Variants in CACFD1 observed in about 807,000 individuals in gnomAD.
CACFD1 encodes the protein calcium channel flower domain containing 1, also known as calcium channel flower homolog.
Under a neutral mutation model 21.3 loss-of-function variants are expected in CACFD1, and 26 were observed. The observed-to-expected ratio is 1.22, with a 90% CI of 0.89 to 1.69. CACFD1 has a LOEUF of 1.69. CACFD1 is among the 40% of genes most tolerant of loss of function. The pLI is 0.00. For synonymous variants in CACFD1, 121 were observed against 106.6 expected (o/e 1.13, Z -0.83); for missense variants, 265 against 236.2 (o/e 1.12, Z -0.80).
intron 1 of CACFD1, chr9:133,461,853 CAGG>C (rs1843230956): frequency 5.1e-6 from 5 of 985,022 alleles, no homozygotes; most frequent in Non-Finnish European, 4.8e-6. Context: ...AGAGATGCGG[CAGG>C]AGTTCAGACA....
intron 2 of CACFD1, among the ~76,000 whole-genome samples, chr9:133,464,434 G>A (rs1843348243): frequency 6.6e-6 from 1 of 152,172 alleles, no homozygotes; most frequent in East Asian, 1.9e-4. Flanking sequence ...CCAGCACAGA[G>A]TGAGCCCGTG....
rs782005229 is a variant in CACFD1, at chr9:133,468,045, C to T, written c.428+17C>T. The T allele has an allele frequency of 3.6e-5, 58 of 1,601,862 alleles. No individual in the cohort carries two copies. Among genetic ancestry groups the T allele is most frequent in the Non-Finnish European group, 4.7e-5 (55 of 1,169,694 alleles). On this transcript the variant is annotated intron_variant, in intron 4 of 4. Transcript: ENST00000316948. ...GGGCAAAAAGTGCGTCTGCCAGGCC[C>T]AGCCCCTGGGCAGGGCCTTCCTCCC...
rs1554797914 is a variant in CACFD1 at position 133,460,100 on chromosome 9, G to C, written c.34G>C (p.Ala12Pro). The C allele has an allele frequency of 1.3e-6, 2 of 1,562,676 alleles. No homozygotes were observed. Among genetic ancestry groups the C allele is most frequent in the East Asian group, 4.8e-5 (2 of 41,550 alleles). ...SSSGGAPGAS[A>P]SSAPPAQEEG... ...CTCAGGTGGGGCGCCCGGGGCGTCC[G>C]CCAGCTCTGCGCCGCCCGCGCAGGA... The change falls in exon 1 of 5, where the codon GCC becomes CCC. Residue 12 changes from alanine to proline, a missense_variant. Ala to Pro is a conservative substitution (Grantham distance 27). Coordinates refer to ENST00000316948, the MANE Select transcript of CACFD1 (RefSeq NM_017586.5).
intron 2 of CACFD1, among the ~76,000 whole-genome samples, chr9:133,464,260 G>T (rs1353749983): frequency 6.6e-6 from 1 of 152,246 alleles, no homozygotes; most frequent in East Asian, 1.9e-4. Context: ...CCCGTCCCCA[G>T]TGACCTATGG....
chr9:133,468,956 G>A lies in CACFD1; in HGVS notation c.*303G>A. 4.8e-6 allele frequency: 2 copies of A among 417,912 alleles called. No homozygotes were observed. Among genetic ancestry groups the A allele is most frequent in the East Asian group, 3.6e-5 (1 of 27,506 alleles). 25.9% of individuals were successfully genotyped at this position (417,912 alleles called of 1,614,324 possible). A position where few individuals can be genotyped will look rare whatever the true frequency, so the allele number is the denominator to read the frequency against. ...CCACAGACAGGGCTGCCTGTGACCT[G>A]CTGTGACCTGGGAGCAGCTTCCCCT... is the stretch of plus-strand genomic sequence containing the variant. On this transcript the variant is annotated 3_prime_UTR_variant, in exon 5 of 5. Transcript: ENST00000316948.
At chr9:133,461,228 T>G (rs1297036424) in intron 1 of CACFD1, among the ~76,000 whole-genome samples, 5 of 152,284 alleles carry the variant, frequency 3.3e-5, no homozygotes, top group Admixed American at 2.0e-4. Context: ...AGGGTCACCT[T>G]GGGTTCCACA....
intron 3 of CACFD1, among the ~76,000 whole-genome samples, chr9:133,466,997 A>G (rs1403278872): frequency 2.0e-5 from 3 of 152,124 alleles, no homozygotes; most frequent in Non-Finnish European, 4.4e-5. Context: ...TGTTTTTGTC[A>G]GAAGGTTCCC....
Position 133,470,071 on chromosome 9 carries a change from C to T in CACFD1, c.*1418C>T. ...GGGCTCCTGGGTCAGCAGCATCCCA[C>T]CCCTGGGAGTCTGGCCAGCTGAGCC... On this transcript the variant is annotated 3_prime_UTR_variant, in exon 5 of 5. Coordinates refer to ENST00000316948, the MANE Select transcript of CACFD1 (RefSeq NM_017586.5). 1 of 152,802 alleles carries T rather than the reference C, an allele frequency of 6.5e-6. No individual in the cohort carries two copies. The highest frequency in any genetic ancestry group is 1.5e-5 in the Non-Finnish European group (1 of 68,130). The allele number at this position is 152,802 out of a possible 1,614,324, so 9.5% of individuals were successfully genotyped here.
In CACFD1 at chr9:133,468,752, C is replaced by A. The variant is rs1843555248; in HGVS notation, c.*99C>A. On this transcript the variant is annotated 3_prime_UTR_variant, in exon 5 of 5. Coordinates refer to ENST00000316948, the MANE Select transcript of CACFD1 (RefSeq NM_017586.5). Reference sequence around the variant, plus strand: ...CGCTGAGGCACAGCCTGGAGAGGGGCCTTTGCACGTGTCCCTACACCTGGA... The same window carrying A: ...CGCTGAGGCACAGCCTGGAGAGGGGACTTTGCACGTGTCCCTACACCTGGA... 2.8e-6 allele frequency: 4 copies of A among 1,450,204 alleles called. No individual in the cohort carries two copies. The highest frequency in any genetic ancestry group is 2.5e-5 in the East Asian group (1 of 40,028). 89.8% of individuals were successfully genotyped at this position (1,450,204 alleles called of 1,614,324 possible). A position where few individuals can be genotyped will look rare whatever the true frequency, so the allele number is the denominator to read the frequency against.
In CACFD1 at chr9:133,469,018, G is replaced by A. The variant is rs1843564971; in HGVS notation, c.*365G>A. 1 of 315,300 alleles carries A rather than the reference G, an allele frequency of 3.2e-6. No individual in the cohort carries two copies. Among genetic ancestry groups the A allele is most frequent in the Non-Finnish European group, 5.8e-6 (1 of 171,906 alleles). The allele number at this position is 315,300 out of a possible 1,614,324, so 19.5% of individuals were successfully genotyped here. A position where few individuals can be genotyped will look rare whatever the true frequency, so the allele number is the denominator to read the frequency against. ...TCCTGGCTTGAGGGGAGGGGCAAGT[G>A]GGACCCTGCCACCTGGGCACTGAGC... On this transcript the variant is annotated 3_prime_UTR_variant, in exon 5 of 5. Coordinates refer to ENST00000316948, the MANE Select transcript of CACFD1 (RefSeq NM_017586.5).
At position 133,465,070 on chromosome 9, in the gene CACFD1, C is replaced by T. The variant is rs1843379445; in HGVS notation, c.195-252C>T. 6 of 484,026 alleles carry T rather than the reference C, an allele frequency of 1.2e-5. No homozygotes were observed. The highest frequency in any genetic ancestry group is 1.1e-4 in the South Asian group (4 of 38,080). 30.0% of individuals were successfully genotyped at this position (484,026 alleles called of 1,614,324 possible). A position where few individuals can be genotyped will look rare whatever the true frequency, so the allele number is the denominator to read the frequency against. ...AAGGGAAGCAGAAGCCCAGGGGCTT[C>T]CCTCTAGGAGTGTTCAGTTCAGCTG... On this transcript the variant is annotated intron_variant, in intron 2 of 4. Transcript: ENST00000316948. This position sits in a 1 kb window ranked among gnomAD's most constrained non-coding sequence, Gnocchi z 5.0.
rs587625639 is a variant in CACFD1 at position 133,469,875 on chromosome 9, T to C, written c.*1222T>C. ...CGCTGAGCTTCTGGAGCGCAGGTACTGGGTCTTGCTAAGTGAACTGTTTCC... is the reference window on the plus strand; with the variant it reads ...CGCTGAGCTTCTGGAGCGCAGGTACCGGGTCTTGCTAAGTGAACTGTTTCC... On this transcript the variant is annotated 3_prime_UTR_variant, in exon 5 of 5. Transcript: ENST00000316948. 1.3e-5 allele frequency: 2 copies of C among 152,404 alleles called. No individual in the cohort carries two copies. Among genetic ancestry groups the C allele is most frequent in the East Asian group, 3.9e-4 (2 of 5,186 alleles). The allele number at this position is 152,404 out of a possible 1,614,324, so 9.4% of individuals were successfully genotyped here. A position where few individuals can be genotyped will look rare whatever the true frequency, so the allele number is the denominator to read the frequency against.
rs587756649 is a variant in CACFD1, at chr9:133,461,483, G to T, written c.121+1296G>T. Among the ~76,000 whole-genome samples the T allele has an allele frequency of 6.6e-5, 10 of 152,362 alleles. No individual in the cohort carries two copies. The South Asian group carries it at 1.7e-3, about 25-fold the overall frequency. On this transcript the variant is annotated intron_variant, in intron 1 of 4. Transcript: ENST00000316948. Reference sequence around the variant, plus strand: ...CATTGGATCCAGTCCTGTCATGTCTGGTTAGCTGTTTTCCCTGCAGATTAG... The same window carrying T: ...CATTGGATCCAGTCCTGTCATGTCTTGTTAGCTGTTTTCCCTGCAGATTAG...
chr9:133,463,512 A>G lies in CACFD1; in HGVS notation c.151A>G (p.Ile51Val). ...SCAISGLFNCITIHPLNIAAG... is the reference protein window; with the variant it reads ...SCAISGLFNCVTIHPLNIAAG... ...CGCGATCTCTGGCCTCTTCAACTGC[A>G]TCACCATCCACCCTCTGAACATTGC... is the stretch of plus-strand genomic sequence containing the variant. Residue 51 changes from isoleucine (I) to valine (V), a missense_variant, in exon 2 of 5, where the codon ATC (isoleucine) becomes GTC (valine). Transcript: ENST00000316948. 6.2e-7 allele frequency: 1 copy of G among 1,614,130 alleles called. No individual in the cohort carries two copies. Among genetic ancestry groups the G allele is most frequent in the Non-Finnish European group, 8.5e-7 (1 of 1,180,018 alleles).
At chr9:133,461,040 C>G (rs917679331) in intron 1 of CACFD1, among the ~76,000 whole-genome samples, 3 of 152,162 alleles carry the variant, frequency 2.0e-5, no homozygotes, top group Non-Finnish European at 4.4e-5. Context: ...CTGAGTGATA[C>G]CCTTTCCTTT....
At chr9:133,464,275 T>C (rs1030505994) in intron 2 of CACFD1, among the ~76,000 whole-genome samples, 1 of 152,054 alleles carries the variant, frequency 6.6e-6, no homozygotes, top group Admixed American at 6.6e-5. Context: ...CTATGGCCAG[T>C]GGAGAGCCTC....
chr9:133,468,310 T>G, intron 4 of CACFD1: 1 of 1,529,330 alleles, frequency 6.5e-7, no homozygotes, highest in Non-Finnish European at 8.7e-7. Context: ...CACCGGGCAT[T>G]GTACTCAGTT....
In CACFD1 at chr9:133,470,290, C is replaced by T. The variant is rs1843643936; in HGVS notation, c.*1637C>T. ...TGCAGTGAGACCTGTCTACCTCCCA[C>T]AAGGAGCAAGGGCTCTGCCCGCCCT... On this transcript the variant is annotated 3_prime_UTR_variant, in exon 5 of 5. Transcript: ENST00000316948. 1 of 152,562 alleles carries T rather than the reference C, an allele frequency of 6.6e-6. No homozygotes were observed. Among genetic ancestry groups the T allele is most frequent in the Non-Finnish European group, 1.5e-5 (1 of 68,156 alleles). 9.5% of individuals were successfully genotyped at this position (152,562 alleles called of 1,614,324 possible).
In CACFD1 at chr9:133,467,956, T is replaced by A; in HGVS notation, c.356T>A (p.Leu119Gln). ...GTTCCCATCGTCATCAGCCTGACCC[T>A]GACCACGCTGCTGGGCAACGCCATC... ...AVVPIVISLT[L>Q]TTLLGNAIAF... The change falls in exon 4 of 5, where the codon CTG (leucine) becomes CAG (glutamine). Residue 119 changes from leucine (L) to glutamine (Q), a missense_variant. By Grantham distance (113) the Leu-to-Gln change is moderately radical. Transcript: ENST00000316948. 6.2e-7 allele frequency: 1 copy of A among 1,613,788 alleles called. No homozygotes were observed. The highest frequency in any genetic ancestry group is 1.1e-5 in the South Asian group (1 of 91,074).
Sources: allele counts gnomAD v4.1 joint callset (sites outside exome capture counted in the v4.1 genomes callset), GRCh38; gene constraint gnomAD v4.1.1; non-coding constraint Gnocchi (gnomAD v3.1); transcripts MANE v1.5; gene names NCBI Gene and HGNC (gene_info 2026-07-23, HGNC 2026-07-21).